Variants in CNGB3 observed in about 807,000 individuals in gnomAD.
The protein encoded by CNGB3 is cyclic nucleotide-gated channel beta-3.
Under a neutral mutation model 92.8 loss-of-function variants are expected in CNGB3, and 86 were observed. That is an observed-to-expected ratio of 0.93 (90% CI 0.78 to 1.11). The LOEUF (loss-of-function observed/expected upper bound fraction) is 1.11. Ranked by LOEUF, CNGB3 falls within the 50% of genes least tolerant of loss-of-function variation. The pLI is 0.00. For synonymous variants in CNGB3, 333 were observed against 332.7 expected, an observed-to-expected ratio of 1.00 and a Z score of -0.01; for missense variants, 1,026 against 956.8, an observed-to-expected ratio of 1.07 and a Z score of -0.95.
chr8:86,576,217 TCAC>T, intron 17 of CNGB3, 87 bp from the exon 18 acceptor site: 1 of 1,340,416 alleles, frequency 7.5e-7, no homozygotes, highest in Non-Finnish European at 1.0e-6. Context: ...ATGGCTAAGA[TCAC>T]CACCAAGACA....
chr8:86,630,846 C>T (rs1358628980), intron 11 of CNGB3, among the ~76,000 whole-genome samples: 1 of 152,138 alleles, frequency 6.6e-6, no homozygotes, highest in Non-Finnish European at 1.5e-5. Flanking sequence ...TACACCCTAG[C>T]CTGGGCACAG....
Position 86,607,796 on chromosome 8 carries a change from G to T in CNGB3, c.1663-3585C>A, listed in dbSNP as rs1260115148. Among the ~76,000 whole-genome samples, 3 of 152,180 alleles carry T rather than the reference G, an allele frequency of 2.0e-5. No individual in the cohort carries two copies. In the East Asian group the frequency reaches 5.8e-4, roughly 29 times the overall value. The stretch of plus-strand genomic sequence containing the variant: ...GGGATTAAGTAGGTCAGCAAACTTG[G>T]CCCCAAATGCTGTCATCTCTTAAAT... On this transcript the variant is annotated intron_variant, in intron 14 of 17. Coordinates refer to ENST00000320005, the MANE Select transcript of CNGB3 (RefSeq NM_019098.5).
At chr8:86,615,234 A>G (rs1822595333) in intron 13 of CNGB3, among the ~76,000 whole-genome samples, 1 of 152,144 alleles carries the variant, frequency 6.6e-6, no homozygotes, top group Non-Finnish European at 1.5e-5. Flanking sequence ...AAAAAATTGG[A>G]AACAACGTAC....
Position 86,692,044 on chromosome 8 carries a change from CT to C in CNGB3, c.339-20947del, listed in dbSNP as rs1444944078. On this transcript the variant is annotated intron_variant, in intron 3 of 17. Coordinates refer to ENST00000320005, the MANE Select transcript of CNGB3 (RefSeq NM_019098.5). ...TGTATTTGCATGGCTTCGAGGGTTC[CT>C]TTTGGAATTGATTTTCAATTTTATT... Among the ~76,000 whole-genome samples, 11 of 152,200 alleles carry C rather than the reference CT, an allele frequency of 7.2e-5. No individual in the cohort carries two copies. In the South Asian group the frequency reaches 2.1e-3, roughly 29 times the overall value.
At chr8:86,587,579 A>G (rs1390037284) in intron 15 of CNGB3, among the ~76,000 whole-genome samples, 1 of 152,028 alleles carries the variant, frequency 6.6e-6, no homozygotes, top group Non-Finnish European at 1.5e-5. Flanking sequence ...TCCCAGCACC[A>G]TTTATTAAAT....
At chr8:86,666,624 A>C (rs539659353) in intron 6 of CNGB3, among the ~76,000 whole-genome samples, 6 of 152,318 alleles carry the variant, frequency 3.9e-5, no homozygotes, top group South Asian at 4.2e-4. Context: ...ACCAGACACA[A>C]TCTAGGCACT....
intron 3 of CNGB3, among the ~76,000 whole-genome samples, chr8:86,693,432 A>ATTTATTTAT (rs370843079): frequency 0.023 from 3,240 of 137,932 alleles, 47 homozygotes; most frequent in South Asian, 0.052. Flanking sequence ...TATTATTATT[A>ATTTATTTAT]TTATTTATTT....
chr8:86,595,998 A>G (rs1822164495), intron 15 of CNGB3, among the ~76,000 whole-genome samples: 1 of 152,234 alleles, frequency 6.6e-6, no homozygotes, highest in African/African-American at 2.4e-5. Flanking sequence ...TCTAAAACAT[A>G]CAAGAATATA....
At chr8:86,694,168 C>T (rs868662472) in intron 3 of CNGB3, among the ~76,000 whole-genome samples, 6,563 of 111,210 alleles carry the variant, frequency 0.059, 368 homozygotes, top group East Asian at 0.083. Flanking sequence ...GCTGGCCGGG[C>T]GGGGGGCTGA....
At chr8:86,657,413 T>A (rs1823531969) in intron 6 of CNGB3, 3 of 492,106 alleles carry the variant, frequency 6.1e-6, no homozygotes, top group African/African-American at 2.0e-5. Flanking sequence ...TCATTTCTTG[T>A]CAGCATGATA....
At chr8:86,708,396 G>A (rs1479039581) in intron 3 of CNGB3, among the ~76,000 whole-genome samples, 2 of 151,964 alleles carry the variant, frequency 1.3e-5, no homozygotes, top group Non-Finnish European at 2.9e-5. Flanking sequence ...CTGATAGGTG[G>A]AATAAAGCAG....
At chr8:86,611,770 T>G in intron 13 of CNGB3, 99 bp from the exon 14 acceptor site, 1 of 885,124 alleles carries the variant, frequency 1.1e-6, no homozygotes, top group South Asian at 1.5e-5. Context: ...ATATATTGTC[T>G]GCATTAGCAT....
chr8:86,578,873 A>T lies in CNGB3; in HGVS notation c.1929-10T>A. ...CTGCTTTAAAAGCACTCTGTGGGTA[A>T]GAGAGAAAAGCTGTTTTAGGTAACT... On this transcript the variant is annotated splice_polypyrimidine_tract_variant and intron_variant, in intron 16 of 17. Coordinates refer to ENST00000320005, the MANE Select transcript of CNGB3 (RefSeq NM_019098.5). The T allele has an allele frequency of 6.2e-7, 1 of 1,614,144 alleles. No homozygotes were observed.
intron 13 of CNGB3, among the ~76,000 whole-genome samples, chr8:86,616,030 T>A (rs1410297921): frequency 6.6e-6 from 1 of 152,162 alleles, no homozygotes; most frequent in Non-Finnish European, 1.5e-5. Context: ...GTCGGATCAA[T>A]GGGAAACGTG....
At chr8:86,642,999 T>A (rs1823220406) in intron 10 of CNGB3, among the ~76,000 whole-genome samples, 1 of 151,350 alleles carries the variant, frequency 6.6e-6, no homozygotes, top group Non-Finnish European at 1.5e-5. Context: ...GGCATCGGAG[T>A]TATTAAAAGT....
At chr8:86,716,297 A>G (rs190335763) in intron 3 of CNGB3, among the ~76,000 whole-genome samples, 1 of 152,250 alleles carries the variant, frequency 6.6e-6, no homozygotes, top group Non-Finnish European at 1.5e-5. Context: ...TGGAGAATAT[A>G]TTTGAGGGAA....
intron 3 of CNGB3, among the ~76,000 whole-genome samples, chr8:86,724,196 GTCT>G (rs1336079229): frequency 6.6e-6 from 1 of 152,152 alleles, no homozygotes; most frequent in Non-Finnish European, 1.5e-5. Context: ...CTTAAAAAAA[GTCT>G]TCTGGATTTA....
At chr8:86,737,667 T>G (rs911026090) in intron 2 of CNGB3, among the ~76,000 whole-genome samples, 1 of 152,196 alleles carries the variant, frequency 6.6e-6, no homozygotes, top group African/African-American at 2.4e-5. Flanking sequence ...GGGTTTGGTA[T>G]ACAGATTATT....
intron 15 of CNGB3, among the ~76,000 whole-genome samples, chr8:86,592,048 T>A (rs558650463): frequency 1.3e-5 from 2 of 149,856 alleles, no homozygotes; most frequent in East Asian, 2.0e-4. Flanking sequence ...CGTGGTGTGC[T>A]GTTTTTTAAG....
Sources: allele counts gnomAD v4.1 joint callset (sites outside exome capture counted in the v4.1 genomes callset), GRCh38; gene constraint gnomAD v4.1.1; transcripts MANE v1.5; gene names NCBI Gene and HGNC (gene_info 2026-07-23, HGNC 2026-07-21).